XPNPEP3: variants seen among roughly 807,000 people sequenced by gnomAD.
The protein encoded by XPNPEP3 is xaa-Pro aminopeptidase 3.
A neutral mutation model predicts 60.0 loss-of-function variants in XPNPEP3; 41 were observed. The ratio of observed to expected loss-of-function variants is 0.68; its 90% CI spans 0.53 to 0.89. The LOEUF is 0.89. Among genes scored for constraint, XPNPEP3 ranks in the 40% least tolerant of loss-of-function variants. XPNPEP3 has a pLI of 0.00. For synonymous variants in XPNPEP3, 212 were observed against 223.2 expected (o/e 0.95, Z 0.45); for missense variants, 598 against 638.9 (o/e 0.94, Z 0.69).
At position 40,875,279 on chromosome 22, in the gene XPNPEP3, C is replaced by T. The variant is rs140455212; in HGVS notation, c.181+6164C>T. ...CAGTCTCGACCTCCCAAGCGATCCT[C>T]CCACTTCAGTTTCCCAAGTAGCTAG... On this transcript the variant is annotated intron_variant, in intron 2 of 9. Coordinates refer to ENST00000357137, the MANE Select transcript of XPNPEP3 (RefSeq NM_022098.4). 6.5e-4 allele frequency among the ~76,000 whole-genome samples: 99 copies of T among 152,242 alleles called. 1 individual carries two copies. Among genetic ancestry groups the T allele is most frequent in the African/African-American group, 2.3e-3 (96 of 41,550 alleles).
At chr22:40,893,262 C>A (rs1007683058) in intron 4 of XPNPEP3, among the ~76,000 whole-genome samples, 1 of 150,446 alleles carries the variant, frequency 6.6e-6, no homozygotes, top group African/African-American at 2.4e-5. Flanking sequence ...AATCCCAGCA[C>A]TTTGGGAGGC....
chr22:40,874,232 C>G (rs1157724876), intron 2 of XPNPEP3, among the ~76,000 whole-genome samples: 1 of 152,092 alleles, frequency 6.6e-6, no homozygotes, highest in East Asian at 1.9e-4. Context: ...GCACTCTAGC[C>G]TGGGTGACAG....
intron 2 of XPNPEP3, chr22:40,870,157 C>G (rs954576152): frequency 1.1e-5 from 5 of 451,556 alleles, no homozygotes; most frequent in Middle Eastern, 6.7e-4. Context: ...TAATAGCAAC[C>G]CAGTTGGTAT....
chr22:40,889,195 T>G (rs2058080286), intron 4 of XPNPEP3, among the ~76,000 whole-genome samples: 2 of 152,216 alleles, frequency 1.3e-5, no homozygotes, highest in South Asian at 4.1e-4. Context: ...CATGGCTGTT[T>G]TTAGGTTTTT....
chr22:40,893,830 G>A (rs943178692), intron 4 of XPNPEP3, among the ~76,000 whole-genome samples: 2 of 152,130 alleles, frequency 1.3e-5, no homozygotes, highest in African/African-American at 4.8e-5. Context: ...TGGTCAGGCT[G>A]ATCTAGAACT....
chr22:40,876,308 A>G (rs2058027643), intron 2 of XPNPEP3, among the ~76,000 whole-genome samples: 1 of 152,202 alleles, frequency 6.6e-6, no homozygotes, highest in African/African-American at 2.4e-5. Context: ...TTACTCTTCT[A>G]AGATCCTGCC....
intron 4 of XPNPEP3, among the ~76,000 whole-genome samples, chr22:40,893,527 AAG>A (rs1009233106): frequency 6.6e-6 from 1 of 151,270 alleles, no homozygotes; most frequent in African/African-American, 2.4e-5. Context: ...AAAAAAAAAA[AAG>A]ATGCATCCTG....
intron 6 of XPNPEP3, among the ~76,000 whole-genome samples, chr22:40,913,255 G>A (rs1032760826): frequency 1.3e-5 from 2 of 152,036 alleles, no homozygotes; most frequent in East Asian, 1.9e-4. Flanking sequence ...CGGATTATGA[G>A]ATCAAGAGAT....
chr22:40,862,370 T>G lies in XPNPEP3; in HGVS notation c.64+5125T>G, dbSNP rs1032161024. On this transcript the variant is annotated intron_variant, in intron 1 of 9. Transcript: ENST00000357137. ...GAATCTGTTGCTAATAGCCACAGCA[T>G]ATCCCTTGCATAATATGACCTCTAG... 3 of 1,003,246 alleles carry G rather than the reference T, an allele frequency of 3.0e-6. No individual in the cohort carries two copies. In the African/African-American group the frequency reaches 5.2e-5, roughly 17 times the overall value. The allele number at this position is 1,003,246 out of a possible 1,614,324, so 62.1% of individuals were successfully genotyped here.
intron 6 of XPNPEP3, among the ~76,000 whole-genome samples, chr22:40,914,035 C>G (rs187332676): frequency 5.9e-5 from 9 of 151,440 alleles, no homozygotes; most frequent in Admixed American, 5.3e-4. Context: ...CCCAGCTACT[C>G]GGAGGCTGAG....
chr22:40,883,054 C>G (rs911440517), intron 3 of XPNPEP3, among the ~76,000 whole-genome samples: 2 of 152,112 alleles, frequency 1.3e-5, no homozygotes, highest in African/African-American at 4.8e-5. Flanking sequence ...GAGACCCCAT[C>G]TCCAAAAAAT....
chr22:40,879,604 G>A (rs1476173991), intron 2 of XPNPEP3, among the ~76,000 whole-genome samples: 1 of 152,140 alleles, frequency 6.6e-6, no homozygotes, highest in African/African-American at 2.4e-5. Flanking sequence ...CACTTTGGGA[G>A]GACTAGGCGG....
intron 4 of XPNPEP3, 133 bp from the exon 5 acceptor site, chr22:40,907,454 C>A: frequency 1.2e-6 from 1 of 863,356 alleles, no homozygotes; most frequent in African/African-American, 1.7e-5. Context: ...ATTATTACCC[C>A]CAGTAGGTCA....
intron 6 of XPNPEP3, 39 bp from the exon 7 acceptor site, chr22:40,914,200 A>T (rs746124074): frequency 1.3e-6 from 2 of 1,551,476 alleles, no homozygotes; most frequent in African/African-American, 2.7e-5. Flanking sequence ...ACTTATAATC[A>T]TGAGCTTATC....
At chr22:40,895,841 C>T (rs547116943) in intron 4 of XPNPEP3, among the ~76,000 whole-genome samples, 1 of 152,238 alleles carries the variant, frequency 6.6e-6, no homozygotes, top group East Asian at 1.9e-4. Context: ...GAGGCCCAGA[C>T]AGTATCGTAC....
chr22:40,892,274 T>C (rs561308630), intron 4 of XPNPEP3, among the ~76,000 whole-genome samples: 4 of 152,210 alleles, frequency 2.6e-5, no homozygotes, highest in Admixed American at 2.6e-4. Context: ...AACCTCCGCC[T>C]CCCAGGTTCA....
intron 5 of XPNPEP3, among the ~76,000 whole-genome samples, chr22:40,908,102 T>C (rs1270132925): frequency 2.6e-5 from 4 of 151,840 alleles, no homozygotes; most frequent in Non-Finnish European, 4.4e-5. Context: ...TAATCCCAGC[T>C]ATTCAAGTGG....
intron 1 of XPNPEP3, 53 bp downstream of exon 1, chr22:40,857,298 A>G (rs1393111147): frequency 8.1e-6 from 13 of 1,602,320 alleles, no homozygotes; most frequent in East Asian, 6.8e-5. Flanking sequence ...GAGGGACCCA[A>G]GTTGGTCTCA....
At chr22:40,917,434 G>C (rs1359028195) in intron 7 of XPNPEP3, 1 of 151,862 alleles carries the variant, frequency 6.6e-6, no homozygotes, top group African/African-American at 2.4e-5. Flanking sequence ...GGAATAGGGA[G>C]TGACTGCTAA....
Sources: gnomAD v4.1 joint callset for allele counts (sites outside exome capture counted in the v4.1 genomes callset) on GRCh38, gnomAD v4.1.1 for gene constraint, MANE v1.5 for transcripts, NCBI Gene and HGNC (gene_info 2026-07-23, HGNC 2026-07-21) for gene names.